The following XIST variants were observed in gnomAD, a reference collection of about 807,000 sequenced individuals.
XIST encodes X inactive specific transcript, also known as X inactive specific transcript (non-protein coding).
chrX:73,842,192 A>G (rs1922608926), exon 1 of XIST: 1 of 510,865 alleles, frequency 2.0e-6, no homozygotes, highest in African/African-American at 2.3e-5. Flanking sequence ...TAATAATAAT[A>G]AGCAATTTTT....
rs776762070 is a variant in XIST at position 73,847,625 on chromosome X, T to C, written n.5099A>G. The stretch of plus-strand genomic sequence containing the variant: ...ATATTAGCTTGATATAAAAGCTAGA[T>C]ATTAGCTTGATATAAAAGACTCAGT... On this transcript the variant is annotated non_coding_transcript_exon_variant, in exon 1 of 6. Transcript: ENST00000429829. 1.7e-5 allele frequency: 9 copies of C among 514,312 alleles called. No homozygotes were observed. In the South Asian group the frequency reaches 2.2e-4, roughly 13 times the overall value. The allele number at this position is 514,312 out of a possible 1,213,427, so 42.4% of individuals were successfully genotyped here. A position where few individuals can be genotyped will look rare whatever the true frequency, so the allele number is the denominator to read the frequency against.
At chrX:73,822,964 T>C (rs760352669) in exon 6 of XIST, 1 of 558,758 alleles carries the variant, frequency 1.8e-6, no homozygotes, top group Admixed American at 2.2e-5. Flanking sequence ...TGAGATAAAG[T>C]GCACTTTGGT....
At chrX:73,835,591 A>ATT (rs1302455414) in intron 2 of XIST, among the ~76,000 whole-genome samples, 2 of 112,366 alleles carry the variant, frequency 1.8e-5, no homozygotes, top group African/African-American at 6.5e-5. Flanking sequence ...AGGCAAACAG[A>ATT]TTTCATTCCA....
chrX:73,849,061 A>G, exon 1 of XIST: 1 of 559,409 alleles, frequency 1.8e-6, no homozygotes, highest in Non-Finnish European at 3.2e-6. Context: ...AGAACTATGG[A>G]TAATTGGGAT....
At chrX:73,847,210 C>T in exon 1 of XIST, 1 of 558,588 alleles carries the variant, frequency 1.8e-6, no homozygotes, top group Admixed American at 2.2e-5. Context: ...AGAGTGAATT[C>T]AGGCTAGTTA....
exon 5 of XIST, chrX:73,829,093 G>C (rs1922325821): frequency 1.8e-6 from 1 of 556,739 alleles, no homozygotes; most frequent in African/African-American, 2.2e-5. Flanking sequence ...TCAAGTGCTA[G>C]AGTGCCAGGC....
exon 6 of XIST, chrX:73,825,158 G>GT: frequency 1.9e-6 from 1 of 531,248 alleles, no homozygotes; most frequent in Non-Finnish European, 3.4e-6. Flanking sequence ...AACAAGCTTA[G>GT]TCCCTTATGT....
chrX:73,847,403 A>C, exon 1 of XIST: 1 of 498,749 alleles, frequency 2.0e-6, no homozygotes, highest in Non-Finnish European at 3.5e-6. Context: ...CAATTGTCTT[A>C]CTTTTTTTTT....
chrX:73,824,643 T>C, exon 6 of XIST: 1 of 555,753 alleles, frequency 1.8e-6, no homozygotes, highest in Non-Finnish European at 3.3e-6. Context: ...GAAAGTTTTA[T>C]TCATACAGAA....
At chrX:73,849,620 G>A (rs761050643) in exon 1 of XIST, 1 of 556,051 alleles carries the variant, frequency 1.8e-6, no homozygotes, top group Non-Finnish European at 3.2e-6. Context: ...ACCGAGTAAG[G>A]AAATTCTTTG....
At chrX:73,832,912 C>A (rs2147700076) in intron 3 of XIST, among the ~76,000 whole-genome samples, 1 of 111,121 alleles carries the variant, frequency 9.0e-6, no homozygotes, top group Non-Finnish European at 1.9e-5. Flanking sequence ...AGACTGGGTC[C>A]CGCTCTGCCA....
chrX:73,821,781 G>A (rs1203518011), exon 6 of XIST: 4 of 512,624 alleles, frequency 7.8e-6, no homozygotes, highest in Non-Finnish European at 1.4e-5. Context: ...TTTCAATTTT[G>A]GCCAATTATT....
exon 6 of XIST, chrX:73,824,704 G>A (rs921270314): frequency 3.6e-6 from 2 of 556,655 alleles, no homozygotes; most frequent in African/African-American, 2.2e-5. Context: ...AAGCACATTC[G>A]CAAGCTGAAT....
rs780426124 is a variant in XIST, at chrX:73,841,831, T to C, written n.10893A>G. On this transcript the variant is annotated non_coding_transcript_exon_variant, in exon 1 of 6. Transcript: ENST00000429829. ...GGCATATGCTTTTTAAAAGCACCTC[T>C]GCATATGTTCCCTCATTTAATCGTT... The C allele has an allele frequency of 1.4e-5, 7 of 511,319 alleles. No individual in the cohort carries two copies. The East Asian group carries it at 2.5e-4, about 18-fold the overall frequency. The allele number at this position is 511,319 out of a possible 1,213,427, so 42.1% of individuals were successfully genotyped here. A position where few individuals can be genotyped will look rare whatever the true frequency, so the allele number is the denominator to read the frequency against.
chrX:73,840,802 C>T (rs1922573186), intron 1 of XIST, among the ~76,000 whole-genome samples: 2 of 111,580 alleles, frequency 1.8e-5, no homozygotes, highest in Non-Finnish European at 3.8e-5. Flanking sequence ...AATAGCCAAA[C>T]ACAATGGCTA....
exon 1 of XIST, chrX:73,843,143 T>C (rs779020462): frequency 3.6e-6 from 2 of 558,460 alleles, no homozygotes; most frequent in Non-Finnish European, 6.5e-6. Flanking sequence ...ATAACTGCCA[T>C]TGTGCCTATT....
chrX:73,847,768 G>A lies in XIST; in HGVS notation n.4956C>T, dbSNP rs749875118. The A allele has an allele frequency of 1.1e-5, 6 of 556,827 alleles. No individual in the cohort carries two copies. The African/African-American group carries it at 1.3e-4, about 12-fold the overall frequency. The allele number at this position is 556,827 out of a possible 1,213,427, so 45.9% of individuals were successfully genotyped here. On this transcript the variant is annotated non_coding_transcript_exon_variant, in exon 1 of 6. Transcript: ENST00000429829. ...TACACATTAAGAGTCCCAAGAGAAGGACTCTGGGTTTCCAGCATCCCTTTC... is the reference window on the plus strand; with the variant it reads ...TACACATTAAGAGTCCCAAGAGAAGAACTCTGGGTTTCCAGCATCCCTTTC...
intron 3 of XIST, among the ~76,000 whole-genome samples, chrX:73,832,623 G>T (rs1922409068): frequency 9.0e-6 from 1 of 111,348 alleles, no homozygotes; most frequent in African/African-American, 3.3e-5. Context: ...AAAGGAAAGT[G>T]GGAATAATTT....
At chrX:73,825,470 T>A (rs1292323547) in exon 6 of XIST, 1 of 522,713 alleles carries the variant, frequency 1.9e-6, no homozygotes, top group Non-Finnish European at 3.4e-6. Context: ...TAGATATCAA[T>A]AATCATTGCA....
Sources: allele counts gnomAD v4.1 joint callset (sites outside exome capture counted in the v4.1 genomes callset), GRCh38; gene constraint gnomAD v4.1.1; transcripts MANE v1.5; gene names NCBI Gene and HGNC (gene_info 2026-07-23, HGNC 2026-07-21).